FRAS1: variants seen among roughly 807,000 people sequenced by gnomAD.
FRAS1 encodes Fraser extracellular matrix complex subunit 1.
In FRAS1, 290 loss-of-function variants were observed where a neutral mutation model predicts 435.2. The ratio of observed to expected loss-of-function variants is 0.67; its 90% CI spans 0.61 to 0.73. The LOEUF is 0.73. Ranked by LOEUF, FRAS1 falls within the 30% of genes least tolerant of loss-of-function variation. FRAS1 has a pLI of 0.00. For synonymous variants in FRAS1, 1,800 were observed against 1,851.0 expected (o/e 0.97, Z 0.71); for missense variants, 4,860 against 5,001.5 (o/e 0.97, Z 0.85).
chr4:78,426,858 T>C (rs1734015444), intron 35 of FRAS1, among the ~76,000 whole-genome samples: 1 of 152,368 alleles, frequency 6.6e-6, no homozygotes, highest in Non-Finnish European at 1.5e-5. Context: ...TAGCTAGTTA[T>C]GTAATATGCA....
In FRAS1 at chr4:78,535,028, C is replaced by G. The variant is rs373263069; in HGVS notation, c.11092+413C>G. 7.2e-5 allele frequency among the ~76,000 whole-genome samples: 11 copies of G among 152,324 alleles called. 1 individual carries two copies. The highest frequency in any genetic ancestry group is 3.9e-4 in the East Asian group (2 of 5,192). ...AAAATGGCTCACTTCACGGTCACTT[C>G]TCTATCCGTTTACCACAGGCTGGAT... is the stretch of plus-strand genomic sequence containing the variant. On this transcript the variant is annotated intron_variant, in intron 71 of 73. Transcript: ENST00000512123.
intron 2 of FRAS1, among the ~76,000 whole-genome samples, chr4:78,116,283 G>A (rs149404724): frequency 0.023 from 3,556 of 152,250 alleles, 93 homozygotes; most frequent in South Asian, 0.092. Flanking sequence ...GTGTGGTGTG[G>A]TGCTGAAAAG....
At chr4:78,503,333 C>T (rs1465419142) in intron 61 of FRAS1, among the ~76,000 whole-genome samples, 3 of 152,132 alleles carry the variant, frequency 2.0e-5, no homozygotes, top group South Asian at 2.1e-4. Flanking sequence ...GCTGTGAATC[C>T]GTCTGGTCCT....
At chr4:78,362,987 A>G (rs1414247110) in intron 20 of FRAS1, among the ~76,000 whole-genome samples, 1 of 152,172 alleles carries the variant, frequency 6.6e-6, no homozygotes, top group African/African-American at 2.4e-5. Flanking sequence ...AAACAGGAAT[A>G]TAAGTACTTA....
chr4:78,456,848 G>A (rs1044356958), intron 47 of FRAS1, among the ~76,000 whole-genome samples: 3 of 152,232 alleles, frequency 2.0e-5, no homozygotes, highest in South Asian at 2.1e-4. Context: ...CTAATCCTAA[G>A]TCTGAATCCT....
chr4:78,149,044 G>A (rs1720536494), intron 2 of FRAS1, among the ~76,000 whole-genome samples: 1 of 152,156 alleles, frequency 6.6e-6, no homozygotes, highest in Admixed American at 6.5e-5. Context: ...GTTTCTTTAT[G>A]TGCTGAATAA....
chr4:78,324,629 T>G (rs1729643712), intron 18 of FRAS1, among the ~76,000 whole-genome samples: 1 of 151,502 alleles, frequency 6.6e-6, no homozygotes, highest in African/African-American at 2.4e-5. Context: ...GATTTAGCAA[T>G]GAGGGATCCT....
chr4:78,132,341 C>A (rs1397926155), intron 2 of FRAS1, among the ~76,000 whole-genome samples: 1 of 152,086 alleles, frequency 6.6e-6, no homozygotes, highest in Non-Finnish European at 1.5e-5. Flanking sequence ...CATAATATGC[C>A]CTTTCTTAAA....
At chr4:78,203,273 A>T (rs904595304) in intron 2 of FRAS1, among the ~76,000 whole-genome samples, 1 of 152,226 alleles carries the variant, frequency 6.6e-6, no homozygotes, top group African/African-American at 2.4e-5. Context: ...AGCCCTCTCA[A>T]TGAATCAGCA....
chr4:78,281,629 T>C (rs1366399686), intron 11 of FRAS1, among the ~76,000 whole-genome samples, 196 bp downstream of exon 11: 1 of 152,210 alleles, frequency 6.6e-6, no homozygotes, highest in Non-Finnish European at 1.5e-5. Context: ...TAGCCAGTTG[T>C]TTTATGCAGT....
intron 2 of FRAS1, among the ~76,000 whole-genome samples, chr4:78,099,182 G>T (rs1326376351): frequency 6.6e-6 from 1 of 152,206 alleles, no homozygotes; most frequent in Non-Finnish European, 1.5e-5. Context: ...AGAGCTGGTG[G>T]CCTGTGCATC....
intron 18 of FRAS1, among the ~76,000 whole-genome samples, chr4:78,320,113 C>T (rs1729441151): frequency 6.6e-6 from 1 of 152,170 alleles, no homozygotes; most frequent in Non-Finnish European, 1.5e-5. Flanking sequence ...ATCCCCTGCT[C>T]CCTGGGAGGC....
chr4:78,166,744 C>T (rs1489729096), intron 2 of FRAS1, among the ~76,000 whole-genome samples: 1 of 152,152 alleles, frequency 6.6e-6, no homozygotes, highest in Admixed American at 6.5e-5. Context: ...TACCTCCCAG[C>T]CTCTCTTGTG....
chr4:78,089,626 C>G (rs1241059708), intron 2 of FRAS1, among the ~76,000 whole-genome samples: 1 of 145,844 alleles, frequency 6.9e-6, no homozygotes, highest in Non-Finnish European at 1.5e-5. Context: ...TTTGACTTCT[C>G]ATTTTGTTTA....
intron 66 of FRAS1, among the ~76,000 whole-genome samples, chr4:78,518,450 A>ATATATTTATTTATT (rs1487744216): frequency 7.2e-5 from 5 of 69,334 alleles, no homozygotes; most frequent in African/African-American, 1.9e-4. Context: ...ATATATATAT[A>ATATATTTATTTATT]TATTTATTTA....
At chr4:78,323,664 C>A (rs373264465) in intron 18 of FRAS1, among the ~76,000 whole-genome samples, 1 of 152,126 alleles carries the variant, frequency 6.6e-6, no homozygotes, top group South Asian at 2.1e-4. Flanking sequence ...CCTGGCTCCT[C>A]CCGGAGTCAC....
At position 78,541,129 on chromosome 4, in the gene FRAS1, G is replaced by A. The variant is rs764066985; in HGVS notation, c.*5G>A. On this transcript the variant is annotated 3_prime_UTR_variant, in exon 74 of 74. Coordinates refer to ENST00000512123, the MANE Select transcript of FRAS1 (RefSeq NM_025074.7). ...CAAGATGGAACAGAAGTTTAATGGA[G>A]GAGACCTATGTGTATTTTTTTCTAA... 19 of 1,340,094 alleles carry A rather than the reference G, an allele frequency of 1.4e-5. No homozygotes were observed. Among genetic ancestry groups the A allele is most frequent in the African/African-American group, 4.4e-5 (3 of 67,852 alleles). The allele number at this position is 1,340,094 out of a possible 1,614,324, so 83.0% of individuals were successfully genotyped here. A position where few individuals can be genotyped will look rare whatever the true frequency, so the allele number is the denominator to read the frequency against.
chr4:78,122,068 G>T (rs1349433556), intron 2 of FRAS1, among the ~76,000 whole-genome samples: 1 of 152,112 alleles, frequency 6.6e-6, no homozygotes, highest in East Asian at 1.9e-4. Flanking sequence ...ATGGTGGTTT[G>T]CTGCACCCGT....
intron 66 of FRAS1, among the ~76,000 whole-genome samples, chr4:78,517,790 G>A (rs892253023): frequency 1.3e-5 from 2 of 152,080 alleles, no homozygotes; most frequent in African/African-American, 4.8e-5. Flanking sequence ...GAGGGCTAAA[G>A]GAGGATAAAC....
Sources: gnomAD v4.1 joint callset for allele counts (sites outside exome capture counted in the v4.1 genomes callset) on GRCh38, gnomAD v4.1.1 for gene constraint, MANE v1.5 for transcripts, NCBI Gene and HGNC (gene_info 2026-07-23, HGNC 2026-07-21) for gene names.